Variants in STK24 observed in about 807,000 individuals in gnomAD.
STK24 encodes the protein serine/threonine kinase 24, also known as serine/threonine-protein kinase 24.
In STK24, 21 loss-of-function variants were observed where a neutral mutation model predicts 55.6. The observed-to-expected ratio is 0.38, with a 90% confidence interval of 0.27 to 0.54. The LOEUF (loss-of-function observed/expected upper bound fraction) is 0.54, where lower values mean the gene tolerates loss of function less well. STK24 is among the 20% of genes least tolerant of loss of function. STK24 has a pLI of 0.79. For missense variants in STK24, 383 were observed against 538.4 expected, an observed-to-expected ratio of 0.71 and a Z score of 2.86; for synonymous variants, 200 against 215.2, an observed-to-expected ratio of 0.93 and a Z score of 0.62.
At chr13:98,488,932 G>A (rs902123284) in intron 2 of STK24, among the ~76,000 whole-genome samples, 3 of 152,244 alleles carry the variant, frequency 2.0e-5, no homozygotes, top group African/African-American at 7.2e-5. Flanking sequence ...CATTTCACCA[G>A]CTGTAACCAA....
Position 98,450,054 on chromosome 13 carries a change from C to T in STK24, c.*3119G>A, listed in dbSNP as rs915628990. The T allele has an allele frequency of 2.0e-5, 3 of 151,916 alleles. No homozygotes were observed. The highest frequency in any genetic ancestry group is 4.4e-5 in the Non-Finnish European group (3 of 68,006). 9.4% of individuals were successfully genotyped at this position (151,916 alleles called of 1,614,324 possible). On this transcript the variant is annotated 3_prime_UTR_variant, in exon 11 of 11. Coordinates refer to ENST00000539966, the MANE Select transcript of STK24 (RefSeq NM_001032296.4). ...TTATTTCTGAATGATTGATTGATTC[C>T]AAACTACTTGCTGGACACTGGTGGT...
At chr13:98,462,061 A>ACCC (rs11417523) in intron 7 of STK24, among the ~76,000 whole-genome samples, 164 bp from the exon 8 acceptor site, 1 of 148,248 alleles carries the variant, frequency 6.7e-6, no homozygotes, top group African/African-American at 2.5e-5. Flanking sequence ...TTTCCCAAAG[A>ACCC]CCCCCCCGCC....
At position 98,564,051 on chromosome 13, in the gene STK24, G is replaced by T. The variant is rs116082385; in HGVS notation, c.42+12694C>A. Among the ~76,000 whole-genome samples, 1,300 of 152,166 alleles carry T rather than the reference G, an allele frequency of 8.5e-3. 24 individuals carry two copies. Among genetic ancestry groups the T allele is most frequent in the African/African-American group, 0.029 (1,197 of 41,500 alleles). On this transcript the variant is annotated intron_variant, in intron 1 of 10. Transcript: ENST00000539966. ...AGACGACATTATTAAAATAAATGGG[G>T]GGGAGAGATAACAGAGAAATAGAGA...
At chr13:98,574,157 G>A (rs1428503630) in intron 1 of STK24, among the ~76,000 whole-genome samples, 2 of 152,118 alleles carry the variant, frequency 1.3e-5, no homozygotes, top group African/African-American at 2.4e-5. Context: ...GATTACAGGC[G>A]TGTGCCACCA....
chr13:98,575,155 C>T (rs937670942), intron 1 of STK24, among the ~76,000 whole-genome samples: 6 of 152,210 alleles, frequency 3.9e-5, no homozygotes, highest in African/African-American at 1.4e-4. Context: ...GACCTACACA[C>T]CTCTAAATTC....
intron 1 of STK24, among the ~76,000 whole-genome samples, chr13:98,539,914 G>C (rs145467896): frequency 3.2e-4 from 49 of 152,126 alleles, no homozygotes; most frequent in Non-Finnish European, 6.8e-4. Flanking sequence ...CACACACACA[G>C]ATGTTCACAG....
At chr13:98,546,048 T>A (rs1393843301) in intron 1 of STK24, among the ~76,000 whole-genome samples, 2 of 152,156 alleles carry the variant, frequency 1.3e-5, no homozygotes, top group Non-Finnish European at 1.5e-5. Context: ...TCATTCTGGG[T>A]TTCACTGATG....
At chr13:98,514,198 T>C (rs1895979264) in intron 2 of STK24, among the ~76,000 whole-genome samples, 1 of 152,350 alleles carries the variant, frequency 6.6e-6, no homozygotes, top group South Asian at 2.1e-4. Context: ...TTATTAGTTA[T>C]GCGGGGGAGA....
intron 1 of STK24, among the ~76,000 whole-genome samples, chr13:98,523,060 G>A (rs753800175): frequency 1.5e-4 from 23 of 152,292 alleles, no homozygotes; most frequent in Admixed American, 3.9e-4. Flanking sequence ...CCCATCCTAC[G>A]AAGAATTTCT....
rs1020572040 is a variant in STK24, at chr13:98,453,324, TAAGTG to T, written c.1260-120_1260-116del. The T allele has an allele frequency of 2.9e-6, 3 of 1,049,318 alleles. No individual in the cohort carries two copies. In the African/African-American group the frequency reaches 4.8e-5, roughly 17 times the overall value. The allele number at this position is 1,049,318 out of a possible 1,614,324, so 65.0% of individuals were successfully genotyped here. A position where few individuals can be genotyped will look rare whatever the true frequency, so the allele number is the denominator to read the frequency against. On this transcript the variant is annotated intron_variant, in intron 10 of 10. Transcript: ENST00000539966. ...TAAGAAATTCCAAGTCATACAAAAA[TAAGTG>T]GAGCAAATATCAATGTGTAAGTCTA... is the stretch of plus-strand genomic sequence containing the variant.
At chr13:98,576,580 G>A (rs1897900142) in intron 1 of STK24, among the ~76,000 whole-genome samples, 165 bp downstream of exon 1, 1 of 151,780 alleles carries the variant, frequency 6.6e-6, no homozygotes, top group Non-Finnish European at 1.5e-5. Context: ...CGGCAGGGAC[G>A]CCCAGGGACT....
chr13:98,549,445 G>T (rs1257519748), intron 1 of STK24, among the ~76,000 whole-genome samples: 1 of 152,200 alleles, frequency 6.6e-6, no homozygotes, highest in African/African-American at 2.4e-5. Context: ...ATGATGAAAT[G>T]CAATCCCCAG....
chr13:98,459,666 T>G (rs950864271), intron 9 of STK24, among the ~76,000 whole-genome samples: 3 of 152,202 alleles, frequency 2.0e-5, no homozygotes, highest in African/African-American at 7.2e-5. Context: ...AGTGGAAAAC[T>G]GCCCAAAGAG....
intron 9 of STK24, 151 bp from the exon 10 acceptor site, chr13:98,457,455 C>T: frequency 1.7e-6 from 1 of 598,056 alleles, no homozygotes; most frequent in Non-Finnish European, 2.7e-6. Context: ...CTCCAGGCCA[C>T]TTCAAATTGC....
chr13:98,552,610 T>A (rs1044493435), intron 1 of STK24, among the ~76,000 whole-genome samples: 8 of 152,118 alleles, frequency 5.3e-5, no homozygotes, highest in Non-Finnish European at 1.0e-4. Flanking sequence ...GAACTGCCCA[T>A]TAGAATCTGA....
rs1238319623 is a variant in STK24 at position 98,450,088 on chromosome 13, G to A, written c.*3085C>T. 6.6e-6 allele frequency: 1 copy of A among 152,266 alleles called. No homozygotes were observed. The highest frequency in any genetic ancestry group is 1.5e-5 in the Non-Finnish European group (1 of 68,056). The allele number at this position is 152,266 out of a possible 1,614,324, so 9.4% of individuals were successfully genotyped here. Reference sequence around the variant, plus strand: ...TGCTGGACACTGGTGGTTCTGACCTGTGACCAGCACCTCTGCTTCCTGTGT... The same window carrying A: ...TGCTGGACACTGGTGGTTCTGACCTATGACCAGCACCTCTGCTTCCTGTGT... On this transcript the variant is annotated 3_prime_UTR_variant, in exon 11 of 11. Transcript: ENST00000539966.
At chr13:98,540,865 G>A (rs540563923) in intron 1 of STK24, among the ~76,000 whole-genome samples, 2 of 149,788 alleles carry the variant, frequency 1.3e-5, no homozygotes, top group East Asian at 2.0e-4. Flanking sequence ...CTTAAAGCAT[G>A]ACAAAATAAC....
intron 2 of STK24, among the ~76,000 whole-genome samples, chr13:98,514,079 A>G (rs992899964): frequency 6.6e-6 from 1 of 152,256 alleles, no homozygotes; most frequent in African/African-American, 2.4e-5. Flanking sequence ...TTATCATACA[A>G]TATGGGCAAG....
intron 9 of STK24, 39 bp downstream of exon 9, chr13:98,460,333 C>T (rs1244227475): frequency 6.4e-7 from 1 of 1,567,668 alleles, no homozygotes; most frequent in South Asian, 1.1e-5. Context: ...TCTCCTTCCC[C>T]CTCCCCTCCC....
Sources: gnomAD v4.1 joint callset for allele counts (sites outside exome capture counted in the v4.1 genomes callset) on GRCh38, gnomAD v4.1.1 for gene constraint, MANE v1.5 for transcripts, NCBI Gene and HGNC (gene_info 2026-07-23, HGNC 2026-07-21) for gene names.